FGD6: variants seen among roughly 807,000 people sequenced by gnomAD.
The protein encoded by FGD6 is FYVE, RhoGEF and PH domain-containing protein 6.
FGD6 carries 90 observed loss-of-function variants against 149.4 expected under a neutral mutation model. That is an observed-to-expected ratio of 0.60 (90% CI 0.51 to 0.72). FGD6 has a LOEUF of 0.72. Ranked by LOEUF, FGD6 falls within the 30% of genes least tolerant of loss-of-function variation. The pLI is 0.00. For synonymous variants in FGD6, 527 were observed against 584.0 expected, an observed-to-expected ratio of 0.90 and a Z score of 1.41; for missense variants, 1,437 against 1,684.8, an observed-to-expected ratio of 0.85 and a Z score of 2.57.
chr12:95,207,089 G>T (rs910929885), intron 2 of FGD6, among the ~76,000 whole-genome samples: 1 of 151,090 alleles, frequency 6.6e-6, no homozygotes, highest in East Asian at 1.9e-4. Context: ...CCTACATGTC[G>T]TGGGAGGGAC....
chr12:95,109,267 T>C (rs1878733860), intron 9 of FGD6, among the ~76,000 whole-genome samples: 1 of 152,230 alleles, frequency 6.6e-6, no homozygotes, highest in African/African-American at 2.4e-5. Context: ...CTGCATTTTC[T>C]CAGCTTTGGG....
intron 3 of FGD6, 139 bp from the exon 4 acceptor site, chr12:95,153,132 T>C (rs968986751): frequency 1.0e-5 from 7 of 678,528 alleles, no homozygotes; most frequent in Non-Finnish European, 1.5e-5. Context: ...ACATTTCAAA[T>C]GGCAAACGTG....
At chr12:95,092,342 T>A (rs1421926648) in intron 16 of FGD6, among the ~76,000 whole-genome samples, 1 of 152,192 alleles carries the variant, frequency 6.6e-6, no homozygotes, top group Non-Finnish European at 1.5e-5. Context: ...ACACTGAACA[T>A]TCCCCGTACT....
Position 95,209,546 on chromosome 12 carries a change from G to A in FGD6, c.1738C>T (p.Pro580Ser). 6.2e-7 allele frequency: 1 copy of A among 1,614,044 alleles called. No homozygotes were observed. Among genetic ancestry groups the A allele is most frequent in the Non-Finnish European group, 8.5e-7 (1 of 1,180,022 alleles). Residue 580 changes from proline (P) to serine (S), a missense_variant, in exon 2 of 21, where the codon CCA (proline) becomes TCA (serine). By Grantham distance (74) the Pro-to-Ser change is moderately conservative. Transcript: ENST00000343958. ...ACGGTGACAGACTTTAAGAATTCTGGGTTCCCTGAAAAGGGTAAAATAGGA... is the reference window on the plus strand; with the variant it reads ...ACGGTGACAGACTTTAAGAATTCTGAGTTCCCTGAAAAGGGTAAAATAGGA... Reference protein sequence around the residue: ...PHPILPFSGNPEFLKSVTVSS... With the variant: ...PHPILPFSGNSEFLKSVTVSS...
intron 2 of FGD6, among the ~76,000 whole-genome samples, chr12:95,208,319 T>C (rs1004418847): frequency 2.0e-5 from 3 of 152,206 alleles, no homozygotes; most frequent in African/African-American, 7.2e-5. Context: ...ACGTGTTTCC[T>C]GCATTTTTCC....
In FGD6 at chr12:95,210,537, T is replaced by C; in HGVS notation, c.747A>G (p.Glu249=). Residue 249 remains glutamate (E), a synonymous_variant, in exon 2 of 21, where the codon GAA becomes GAG. Transcript: ENST00000343958. ...HSCHLQLPSD[E]CEHFETCQDD... is the part of the protein sequence containing the mutation. ...CCTGGCAAGTTTCAAAATGTTCACA[T>C]TCATCACTAGGAAGCTGTAAGTGGC... The C allele has an allele frequency of 2.5e-6, 4 of 1,614,122 alleles. No individual in the cohort carries two copies. The highest frequency in any genetic ancestry group is 2.5e-6 in the Non-Finnish European group (3 of 1,180,026).
At chr12:95,196,063 C>G (rs1228783525) in intron 2 of FGD6, among the ~76,000 whole-genome samples, 1 of 151,940 alleles carries the variant, frequency 6.6e-6, no homozygotes, top group East Asian at 1.9e-4. Flanking sequence ...GAGGTTGCAG[C>G]GAGCTTGAGA....
intron 2 of FGD6, among the ~76,000 whole-genome samples, chr12:95,181,361 T>C (rs986271276): frequency 6.6e-6 from 1 of 152,176 alleles, no homozygotes; most frequent in Non-Finnish European, 1.5e-5. Flanking sequence ...TGGTCCTATC[T>C]TAATGACACA....
At chr12:95,168,067 A>T (rs200192939) in intron 3 of FGD6, among the ~76,000 whole-genome samples, 2 of 151,716 alleles carry the variant, frequency 1.3e-5, no homozygotes, top group Non-Finnish European at 2.9e-5. Context: ...TATTACACAC[A>T]TTTTTTTTAA....
intron 20 of FGD6, among the ~76,000 whole-genome samples, chr12:95,083,431 A>C (rs1877762080): frequency 6.6e-6 from 1 of 152,174 alleles, no homozygotes; most frequent in Non-Finnish European, 1.5e-5. Context: ...TATATTGAAA[A>C]GCAGTACTTT....
intron 14 of FGD6, among the ~76,000 whole-genome samples, chr12:95,099,035 A>G (rs1878333266): frequency 6.6e-6 from 1 of 152,098 alleles, no homozygotes; most frequent in South Asian, 2.1e-4. Flanking sequence ...ATGCCCAGCT[A>G]ATTTTTATAT....
chr12:95,192,698 TG>T (rs1212983658), intron 2 of FGD6, among the ~76,000 whole-genome samples: 4 of 152,020 alleles, frequency 2.6e-5, no homozygotes, highest in Non-Finnish European at 4.4e-5. Flanking sequence ...TGGAGAACAA[TG>T]GGGAAGATTG....
At position 95,209,243 on chromosome 12, in the gene FGD6, C is replaced by G. The variant is rs1275509666; in HGVS notation, c.2041G>C (p.Glu681Gln). The G allele has an allele frequency of 6.2e-7, 1 of 1,614,004 alleles. No individual in the cohort carries two copies. Among genetic ancestry groups the G allele is most frequent in the African/African-American group, 1.3e-5 (1 of 74,894 alleles). ...ESDWQGLLVG[E>Q]EKRSKPIKAY... ...TTGATGGGTTTACTTCTCTTCTCCT[C>G]TCCTACCAACAAGCCTTGCCAATCA... Residue 681 changes from glutamate (E) to glutamine (Q), a missense_variant, in exon 2 of 21, where the codon GAG becomes CAG. Coordinates refer to ENST00000343958, the MANE Select transcript of FGD6 (RefSeq NM_018351.4).
Position 95,092,824 on chromosome 12 carries a change from C to A in FGD6, c.3622G>T (p.Glu1208Ter). 6.2e-7 allele frequency: 1 copy of A among 1,612,992 alleles called. No homozygotes were observed. Among genetic ancestry groups the A allele is most frequent in the Non-Finnish European group, 8.5e-7 (1 of 1,179,560 alleles). ...LDEADSENKE[E>*]VSPLGSKAPI... ...GCCTTCGATCCAAGAGGACTAACTTCTTCTTTATTTTCTGAGTCTGCCTGT... is the reference window on the plus strand; with the variant it reads ...GCCTTCGATCCAAGAGGACTAACTTATTCTTTATTTTCTGAGTCTGCCTGT... The change falls in exon 16 of 21, where the codon GAA becomes TAA. Residue 1208 changes from glutamate to a stop codon, truncating the protein, a stop_gained. Transcript: ENST00000343958. LOFTEE classifies it high-confidence loss of function.
At chr12:95,168,700 T>C (rs986727398) in intron 3 of FGD6, among the ~76,000 whole-genome samples, 15 of 152,030 alleles carry the variant, frequency 9.9e-5, no homozygotes, top group African/African-American at 3.6e-4. Context: ...AAAAATCTAC[T>C]AAGCATTCAC....
At chr12:95,179,661 T>C (rs1881224054) in intron 2 of FGD6, among the ~76,000 whole-genome samples, 1 of 152,202 alleles carries the variant, frequency 6.6e-6, no homozygotes, top group Non-Finnish European at 1.5e-5. Context: ...GCAACTTTTA[T>C]ATGTAATTGG....
chr12:95,172,546 T>A lies in FGD6; in HGVS notation c.2586+54A>T, dbSNP rs1222964272. The A allele has an allele frequency of 2.1e-6, 3 of 1,456,306 alleles. No individual in the cohort carries two copies. In the Admixed American group the frequency reaches 6.2e-5, roughly 30 times the overall value. 90.2% of individuals were successfully genotyped at this position (1,456,306 alleles called of 1,614,324 possible). A position where few individuals can be genotyped will look rare whatever the true frequency, so the allele number is the denominator to read the frequency against. ...TTTCTGTGCCTATTATGCAGACAAA[T>A]ATCATTCCCAAGCATAGGGAGAGGT... On this transcript the variant is annotated intron_variant, in intron 3 of 20. Transcript: ENST00000343958.
chr12:95,160,920 T>C (rs1411123009), intron 3 of FGD6, among the ~76,000 whole-genome samples: 1 of 151,600 alleles, frequency 6.6e-6, no homozygotes, highest in Non-Finnish European at 1.5e-5. Flanking sequence ...TGGTGGCTCA[T>C]GCCTGTAATC....
chr12:95,188,158 A>G (rs1335256173), intron 2 of FGD6, among the ~76,000 whole-genome samples: 1 of 90,904 alleles, frequency 1.1e-5, no homozygotes, highest in African/African-American at 3.7e-5. Flanking sequence ...AATATAAAGC[A>G]AAGAGTCCTA....
Sources: gnomAD v4.1 joint callset for allele counts (sites outside exome capture counted in the v4.1 genomes callset) on GRCh38, gnomAD v4.1.1 for gene constraint, MANE v1.5 for transcripts, NCBI Gene and HGNC (gene_info 2026-07-23, HGNC 2026-07-21) for gene names.